The following RBPJ variants were observed in gnomAD, a reference collection of about 807,000 sequenced individuals.
RBPJ encodes the protein recombination signal binding protein for immunoglobulin kappa J region, also known as recombining binding protein suppressor of hairless.
In RBPJ, 9 loss-of-function variants were observed where a neutral mutation model predicts 67.8. The observed-to-expected ratio is 0.13, with a 90% confidence interval of 0.08 to 0.23. The LOEUF (loss-of-function observed/expected upper bound fraction) is 0.23. Ranked by LOEUF, RBPJ falls within the 10% of genes least tolerant of loss-of-function variation. RBPJ has a pLI of 1.00. For missense variants in RBPJ, 305 were observed against 595.6 expected, an observed-to-expected ratio of 0.51 and a Z score of 5.08; for synonymous variants, 198 against 203.3, an observed-to-expected ratio of 0.97 and a Z score of 0.22.
chr4:26,407,883 CTTTTTTTTTTTTTT>C (rs61575988), intron 3 of RBPJ, among the ~76,000 whole-genome samples: 10 of 63,630 alleles, frequency 1.6e-4, no homozygotes, highest in African/African-American at 5.9e-4. Flanking sequence ...AGCTTTCTTT[CTTTTTTTTTTTTTT>C]TTTTTTTTTT....
the RBPJ span, among the ~76,000 whole-genome samples, chr4:26,124,728 C>T: frequency 4.0e-5 from 6 of 151,636 alleles, no homozygotes; most frequent in Non-Finnish European, 5.9e-5. Flanking sequence ...TTCCGTTTAC[C>T]GCATCTGTAT....
chr4:26,405,404 G>A (rs554379155), intron 2 of RBPJ, among the ~76,000 whole-genome samples: 15 of 152,320 alleles, frequency 9.8e-5, no homozygotes, highest in African/African-American at 3.4e-4. Flanking sequence ...AGTTTCATCT[G>A]TGTAGAGCTT....
At chr4:26,326,665 C>T (rs887918040) in intron 1 of RBPJ, among the ~76,000 whole-genome samples, 10 of 127,370 alleles carry the variant, frequency 7.9e-5, no homozygotes, top group Non-Finnish European at 3.7e-5. Flanking sequence ...ATCTGTCAGG[C>T]ACATTGTGAC....
At chr4:26,399,330 A>AT in intron 2 of RBPJ, among the ~76,000 whole-genome samples, 1 of 152,168 alleles carries the variant, frequency 6.6e-6, no homozygotes, top group South Asian at 2.1e-4. Context: ...ATTTAATAAC[A>AT]TTGATTATGT....
At chr4:26,360,993 A>G (rs1394648742) in intron 1 of RBPJ, among the ~76,000 whole-genome samples, 1 of 150,900 alleles carries the variant, frequency 6.6e-6, no homozygotes, top group Non-Finnish European at 1.5e-5. Context: ...TGTGAAGGAT[A>G]CATTTGTCTG....
chr4:26,126,488 C>T, the RBPJ span, among the ~76,000 whole-genome samples: 513 of 152,358 alleles, frequency 3.4e-3, 6 homozygotes, highest in African/African-American at 0.012. Context: ...TATGACTAGG[C>T]TTAGCCAATC....
At chr4:26,247,870 G>A (rs1719979913) in intron 1 of RBPJ, among the ~76,000 whole-genome samples, 1 of 152,156 alleles carries the variant, frequency 6.6e-6, no homozygotes, top group Non-Finnish European at 1.5e-5. Context: ...CAATAGTTGG[G>A]AAACTACCTA....
Position 26,173,785 on chromosome 4 carries a change from G to A in RBPJ, c.-167+10171G>A, listed in dbSNP as rs368965313. Among the ~76,000 whole-genome samples the A allele has an allele frequency of 9.2e-5, 14 of 152,136 alleles. 1 individual carries two copies. The highest frequency in any genetic ancestry group is 7.7e-4 in the East Asian group (4 of 5,188). Reference sequence around the variant, plus strand: ...ACATGTGTATACTCTGCATCTCCACGGGCTGGGCACTGGACTAGGTGCTGA... The same window carrying A: ...ACATGTGTATACTCTGCATCTCCACAGGCTGGGCACTGGACTAGGTGCTGA... On this transcript the variant is annotated intron_variant, in intron 1 of 4. Transcript: ENST00000512351.
chr4:26,118,702 T>C, the RBPJ span, among the ~76,000 whole-genome samples: 2 of 152,250 alleles, frequency 1.3e-5, no homozygotes, highest in African/African-American at 4.8e-5. Flanking sequence ...CTACTGTTGC[T>C]TAGTTTCATT....
chr4:26,270,280 C>T (rs952096097), intron 1 of RBPJ, among the ~76,000 whole-genome samples: 44 of 106,196 alleles, frequency 4.1e-4, no homozygotes, highest in Non-Finnish European at 7.1e-4. Flanking sequence ...AAGATTTTGT[C>T]GGAAAGGAAA....
chr4:26,305,761 A>ATTTTC (rs1722212229), intron 1 of RBPJ, among the ~76,000 whole-genome samples: 4 of 74,750 alleles, frequency 5.4e-5, no homozygotes, highest in African/African-American at 2.4e-4. Flanking sequence ...AGTTCTTAGA[A>ATTTTC]TTTTCTTTTC....
the RBPJ span, among the ~76,000 whole-genome samples, chr4:26,141,010 G>A: frequency 0.018 from 2,695 of 152,204 alleles, 38 homozygotes; most frequent in Non-Finnish European, 0.03. Flanking sequence ...TGTTAAGATG[G>A]TTAAGAATCC....
At chr4:26,395,529 T>C (rs1732033774) in intron 2 of RBPJ, among the ~76,000 whole-genome samples, 1 of 152,180 alleles carries the variant, frequency 6.6e-6, no homozygotes, top group East Asian at 1.9e-4. Flanking sequence ...TTGGACCCAC[T>C]AAGTAGCATG....
chr4:26,353,583 C>T (rs1577502936), intron 1 of RBPJ, among the ~76,000 whole-genome samples: 1 of 150,600 alleles, frequency 6.6e-6, no homozygotes, highest in Non-Finnish European at 1.5e-5. Context: ...ATCTTATTTG[C>T]AATTGTTCTT....
chr4:26,343,002 C>T (rs1725703704), intron 1 of RBPJ: 1 of 152,162 alleles, frequency 6.6e-6, no homozygotes, highest in Non-Finnish European at 1.5e-5. Flanking sequence ...TTTAAAGTCT[C>T]TGCTGTCAAA....
intron 2 of RBPJ, among the ~76,000 whole-genome samples, chr4:26,387,441 T>C (rs181194344): frequency 1.2e-4 from 19 of 152,282 alleles, no homozygotes; most frequent in African/African-American, 4.3e-4. Context: ...AATTAATAAA[T>C]GGGGCAAAGA....
chr4:26,415,313 C>T (rs73810231), intron 3 of RBPJ, among the ~76,000 whole-genome samples, 162 bp from the exon 4 acceptor site: 3 of 152,106 alleles, frequency 2.0e-5, no homozygotes, highest in African/African-American at 7.2e-5. Flanking sequence ...GTCCTGTGGG[C>T]ATGATTATTT....
intron 1 of RBPJ, among the ~76,000 whole-genome samples, chr4:26,313,671 TA>T (rs752022285): frequency 5.5e-3 from 752 of 137,200 alleles, no homozygotes; most frequent in Middle Eastern, 0.018. Context: ...CTCCGTCTCT[TA>T]AAAAAAAAAA....
chr4:26,309,410 G>T (rs1415873992), intron 1 of RBPJ, among the ~76,000 whole-genome samples: 4 of 152,132 alleles, frequency 2.6e-5, no homozygotes, highest in African/African-American at 9.6e-5. Context: ...ACTGAACATG[G>T]GTATGGGTAA....
Sources: gnomAD v4.1 joint callset for allele counts (sites outside exome capture counted in the v4.1 genomes callset) on GRCh38, gnomAD v4.1.1 for gene constraint, MANE v1.5 for transcripts, NCBI Gene and HGNC (gene_info 2026-07-23, HGNC 2026-07-21) for gene names.